GPHN: variants seen among roughly 807,000 people sequenced by gnomAD.
GPHN encodes gephyrin.
Under a neutral mutation model 95.5 loss-of-function variants are expected in GPHN, and 17 were observed. The observed-to-expected ratio is 0.18, with a 90% CI of 0.12 to 0.27. GPHN has a LOEUF of 0.27. Among genes scored for constraint, GPHN ranks in the 10% least tolerant of loss-of-function variants. GPHN has a pLI of 1.00. For synonymous variants in GPHN, 320 were observed against 322.5 expected, an observed-to-expected ratio of 0.99 and a Z score of 0.08; for missense variants, 660 against 978.1, an observed-to-expected ratio of 0.67 and a Z score of 4.34.
At chr14:67,455,132 G>C in the GPHN span, among the ~76,000 whole-genome samples, 1 of 152,208 alleles carries the variant, frequency 6.6e-6, no homozygotes, top group Admixed American at 6.5e-5. Context: ...TTATAGGCAT[G>C]AGCCAATGTG....
Position 66,846,361 on chromosome 14 carries a change from T to C in GPHN, c.294+21795T>C, listed in dbSNP as rs530408820. Among the ~76,000 whole-genome samples, 7 of 152,262 alleles carry C rather than the reference T, an allele frequency of 4.6e-5. No individual in the cohort carries two copies. In the South Asian group the frequency reaches 1.5e-3, roughly 32 times the overall value. On this transcript the variant is annotated intron_variant, in intron 4 of 22. Transcript: ENST00000478722. Reference sequence around the variant, plus strand: ...ACCTTTTAAGAAAGGTTGGGTAATCTGTAGTCTGCTAGGAATATGTGACAC... The same window carrying C: ...ACCTTTTAAGAAAGGTTGGGTAATCCGTAGTCTGCTAGGAATATGTGACAC...
the GPHN span, chr14:67,589,924 T>C: frequency 1.2e-5 from 15 of 1,300,142 alleles, no homozygotes; most frequent in African/African-American, 1.7e-4. Flanking sequence ...CTGAGTTAGA[T>C]TTCCAGTCAC....
At chr14:66,885,779 G>A (rs527465675) in intron 5 of GPHN, among the ~76,000 whole-genome samples, 2 of 150,364 alleles carry the variant, frequency 1.3e-5, no homozygotes, top group South Asian at 2.1e-4. Context: ...GAGAAAAAGA[G>A]AAAGGCCTTA....
chr14:66,534,320 AATT>A (rs986890881), intron 1 of GPHN, among the ~76,000 whole-genome samples: 3 of 152,096 alleles, frequency 2.0e-5, no homozygotes, highest in African/African-American at 4.8e-5. Flanking sequence ...ACTCCCAAGT[AATT>A]ATTATTCTGA....
chr14:67,082,690 T>G (rs912113937), intron 11 of GPHN, among the ~76,000 whole-genome samples: 8 of 152,078 alleles, frequency 5.3e-5, no homozygotes, highest in Non-Finnish European at 1.0e-4. Context: ...TTGATAGGAT[T>G]GCACTTAATT....
intron 4 of GPHN, among the ~76,000 whole-genome samples, chr14:66,858,474 C>G (rs536836073): frequency 5.9e-5 from 9 of 151,388 alleles, no homozygotes; most frequent in Non-Finnish European, 7.4e-5. Context: ...GATGCATCAA[C>G]TTTTGACTAA....
chr14:67,345,364 C>G, the GPHN span, among the ~76,000 whole-genome samples: 1 of 152,110 alleles, frequency 6.6e-6, no homozygotes, highest in Non-Finnish European at 1.5e-5. Flanking sequence ...CGAGACCAGC[C>G]TGACAAACAT....
intron 1 of GPHN, among the ~76,000 whole-genome samples, chr14:66,577,386 T>C (rs2060951554): frequency 6.6e-6 from 1 of 152,306 alleles, no homozygotes; most frequent in African/African-American, 2.4e-5. Context: ...ACTCATTCTA[T>C]AGTTTTTGTG....
chr14:66,619,077 A>G (rs1251300918), intron 1 of GPHN, among the ~76,000 whole-genome samples: 4 of 152,160 alleles, frequency 2.6e-5, no homozygotes, highest in Non-Finnish European at 5.9e-5. Context: ...GAGGTTTTTC[A>G]TATAAAGTTT....
chr14:67,365,831 G>A, the GPHN span, among the ~76,000 whole-genome samples: 1 of 152,174 alleles, frequency 6.6e-6, no homozygotes, highest in Non-Finnish European at 1.5e-5. Context: ...ACTTCTGCAA[G>A]TGATTAATTT....
At chr14:66,733,650 CTTTA>C (rs779445838) in intron 2 of GPHN, among the ~76,000 whole-genome samples, 5 of 152,178 alleles carry the variant, frequency 3.3e-5, no homozygotes, top group South Asian at 4.2e-4. Flanking sequence ...GAACAATTAA[CTTTA>C]TTTATCAAAG....
chr14:66,941,386 G>T (rs1433910923), intron 8 of GPHN, among the ~76,000 whole-genome samples: 1 of 152,120 alleles, frequency 6.6e-6, no homozygotes, highest in Non-Finnish European at 1.5e-5. Flanking sequence ...GGCTTTGATG[G>T]AACTCTATTC....
the GPHN span, among the ~76,000 whole-genome samples, chr14:67,435,530 G>A: frequency 1.6e-4 from 25 of 152,190 alleles, no homozygotes; most frequent in African/African-American, 5.3e-4. Context: ...AGGGTATGGC[G>A]GCTAAAGTCA....
chr14:66,938,606 A>G (rs2067244302), intron 8 of GPHN, among the ~76,000 whole-genome samples: 1 of 152,110 alleles, frequency 6.6e-6, no homozygotes, highest in Non-Finnish European at 1.5e-5. Flanking sequence ...AAGTTGTCCA[A>G]GCAGAAGTCT....
intron 3 of GPHN, among the ~76,000 whole-genome samples, chr14:66,817,607 C>T (rs1198052981): frequency 6.6e-6 from 1 of 152,098 alleles, no homozygotes; most frequent in Non-Finnish European, 1.5e-5. Context: ...TTTCTCATGT[C>T]ATTATTTCAG....
the GPHN span, among the ~76,000 whole-genome samples, chr14:67,734,906 G>T: frequency 6.6e-6 from 1 of 152,336 alleles, no homozygotes; most frequent in South Asian, 2.1e-4. Flanking sequence ...AGCTTGGCCA[G>T]CTCACAGTGG....
chr14:67,445,933 T>G, the GPHN span: 1 of 453,212 alleles, frequency 2.2e-6, no homozygotes, highest in Non-Finnish European at 4.4e-6. Flanking sequence ...ACAGTTTGCT[T>G]GTGGCTAATG....
intron 11 of GPHN, among the ~76,000 whole-genome samples, chr14:67,062,102 T>G (rs17103859): frequency 0.063 from 9,548 of 152,264 alleles, 334 homozygotes; most frequent in Middle Eastern, 0.085. Flanking sequence ...AAAGCAGAGT[T>G]CTGTAAGTGT....
At chr14:67,091,029 TATC>T (rs1157320761) in intron 12 of GPHN, among the ~76,000 whole-genome samples, 6 of 151,950 alleles carry the variant, frequency 3.9e-5, no homozygotes, top group East Asian at 1.9e-4. Flanking sequence ...TAACCATTAT[TATC>T]ATATTATAAA....
Sources: allele counts gnomAD v4.1 joint callset (sites outside exome capture counted in the v4.1 genomes callset), GRCh38; gene constraint gnomAD v4.1.1; transcripts MANE v1.5; gene names NCBI Gene and HGNC (gene_info 2026-07-23, HGNC 2026-07-21).